DNAH8: variants seen among roughly 807,000 people sequenced by gnomAD.
DNAH8 encodes the protein axonemal beta dynein heavy chain 8.
DNAH8 carries 382 observed loss-of-function variants against 562.1 expected under a neutral mutation model. The observed-to-expected ratio is 0.68, with a 90% confidence interval of 0.63 to 0.74. The LOEUF is 0.74. Ranked by LOEUF, DNAH8 falls within the 30% of genes least tolerant of loss-of-function variation. The probability of loss-of-function intolerance (pLI) is 0.00; values close to 1 mark genes in which losing one functional copy is unlikely to be tolerated. For missense variants in DNAH8, 5,203 were observed against 5,620.4 expected, an observed-to-expected ratio of 0.93 and a Z score of 2.37; for synonymous variants, 1,881 against 1,919.4, an observed-to-expected ratio of 0.98 and a Z score of 0.52.
chr6:38,724,634 C>G (rs575038115), intron 3 of DNAH8, among the ~76,000 whole-genome samples: 2 of 152,290 alleles, frequency 1.3e-5, no homozygotes, highest in East Asian at 3.9e-4. Context: ...CCTGACACTA[C>G]TAACAGTTTT....
At chr6:38,906,199 G>A (rs928285016) in intron 62 of DNAH8, 55 bp from the exon 63 acceptor site, 32 of 1,233,870 alleles carry the variant, frequency 2.6e-5, no homozygotes, top group East Asian at 7.5e-5. Context: ...GAGCCACCGC[G>A]CCCAGCCGAC....
intron 87 of DNAH8, among the ~76,000 whole-genome samples, chr6:38,985,695 A>G (rs1434000315): frequency 6.6e-6 from 1 of 152,218 alleles, no homozygotes; most frequent in Non-Finnish European, 1.5e-5. Context: ...ACAAATGGAC[A>G]TGTACAAAAA....
At chr6:38,727,944 G>A (rs773761057) in intron 3 of DNAH8, among the ~76,000 whole-genome samples, 3 of 152,082 alleles carry the variant, frequency 2.0e-5, no homozygotes, top group South Asian at 4.1e-4. Flanking sequence ...TGTGCTGTGC[G>A]TGTGTGTTTT....
chr6:38,734,613 A>G lies in DNAH8; in HGVS notation c.750A>G (p.Lys250=), dbSNP rs752855155. The change falls in exon 5 of 93, where the codon AAA becomes AAG. Residue 250 remains lysine, a synonymous_variant. Transcript: ENST00000327475. Reference sequence around the variant, plus strand: ...GTAATGATGTTGCTATAAATGTTAAAACTATTCAAGAGGTATGTTTAAAAA... The same window carrying G: ...GTAATGATGTTGCTATAAATGTTAAGACTATTCAAGAGGTATGTTTAAAAA... ...RCRNDVAINV[K]TIQEEALFTV... is the part of the protein sequence containing the mutation. The G allele has an allele frequency of 5.0e-6, 8 of 1,612,284 alleles. No individual in the cohort carries two copies. Among genetic ancestry groups the G allele is most frequent in the Non-Finnish European group, 6.8e-6 (8 of 1,179,766 alleles).
chr6:38,945,428 A>C (rs1761325880), intron 79 of DNAH8, 39 bp from the exon 80 acceptor site: 1 of 1,607,152 alleles, frequency 6.2e-7, no homozygotes, highest in African/African-American at 1.3e-5. Flanking sequence ...AGTGAAGTAC[A>C]GGCTTACCCA....
At chr6:38,728,046 G>A (rs968005711) in intron 3 of DNAH8, among the ~76,000 whole-genome samples, 1 of 152,048 alleles carries the variant, frequency 6.6e-6, no homozygotes, top group Non-Finnish European at 1.5e-5. Context: ...GCTCACTGCA[G>A]CCTCAACCTC....
chr6:38,801,905 C>T (rs2127673665), intron 21 of DNAH8, among the ~76,000 whole-genome samples: 1 of 152,154 alleles, frequency 6.6e-6, no homozygotes, highest in South Asian at 2.1e-4. Flanking sequence ...TTGGGATCCT[C>T]TGCAGTTGTG....
At chr6:38,846,708 A>G (rs1476833400) in intron 36 of DNAH8, among the ~76,000 whole-genome samples, 1 of 152,130 alleles carries the variant, frequency 6.6e-6, no homozygotes, top group Non-Finnish European at 1.5e-5. Flanking sequence ...CTGCTGCCCT[A>G]TGGTTCATTG....
chr6:38,766,155 G>A (rs930268427), intron 11 of DNAH8, among the ~76,000 whole-genome samples: 3 of 151,960 alleles, frequency 2.0e-5, no homozygotes, highest in African/African-American at 7.3e-5. Context: ...GTGTGTGTGT[G>A]TTTGTGTATG....
intron 21 of DNAH8, among the ~76,000 whole-genome samples, chr6:38,800,078 T>G (rs568729471): frequency 3.8e-4 from 58 of 152,294 alleles, no homozygotes; most frequent in African/African-American, 1.2e-3. Context: ...AAAACTTCAT[T>G]TCTTTTTATT....
Position 38,790,301 on chromosome 6 carries a change from T to C in DNAH8, c.2677T>C (p.Leu893=), listed in dbSNP as rs1583012634. Residue 893 remains leucine, a synonymous_variant, in exon 20 of 93, where the codon TTG becomes CTG. Coordinates refer to ENST00000327475, the MANE Select transcript of DNAH8 (RefSeq NM_001206927.2). ...TTACCGTTTCTAGGTGGAATCTGTG[T>C]TGAGGCAAGGACTCACAGTGTTAAC... The part of the protein sequence containing the change: ...TPKMKKVESV[L]RQGLTVLTWS... 3 of 1,603,470 alleles carry C rather than the reference T, an allele frequency of 1.9e-6. No homozygotes were observed. The highest frequency in any genetic ancestry group is 2.6e-6 in the Non-Finnish European group (3 of 1,172,882).
rs576243565 is a variant in DNAH8, at chr6:38,938,932, A to T, written c.11951A>T (p.Lys3984Met). The T allele has an allele frequency of 4.2e-5, 68 of 1,614,008 alleles. 1 individual carries two copies. The South Asian group carries it at 6.1e-4, about 15-fold the overall frequency. Residue 3984 changes from lysine to methionine, a missense_variant, in exon 79 of 93, where the codon AAG becomes ATG. Transcript: ENST00000327475. ...CTGTTTGTACTCCTCATGACCTTAA[A>T]GATTGACCTTCAGAGAGGGACAGTT... ...KFLFVLLMTL[K>M]IDLQRGTVKH...
rs1034170896 is a variant in DNAH8, at chr6:38,978,100, G to A, written c.12834+3571G>A. Among the ~76,000 whole-genome samples the A allele has an allele frequency of 2.2e-4, 34 of 152,176 alleles. 1 individual carries two copies. Among genetic ancestry groups the A allele is most frequent in the Admixed American group, 1.7e-3 (26 of 15,280 alleles). On this transcript the variant is annotated intron_variant, in intron 85 of 92. Transcript: ENST00000327475. Reference sequence around the variant, plus strand: ...CCTTGGTTTGTCCACATTGAACTGCGTATTTCTTTATGACTTTTCAAACAG... The same window carrying A: ...CCTTGGTTTGTCCACATTGAACTGCATATTTCTTTATGACTTTTCAAACAG...
chr6:38,961,308 A>G (rs1762590110), intron 82 of DNAH8, among the ~76,000 whole-genome samples: 2 of 152,026 alleles, frequency 1.3e-5, no homozygotes, highest in African/African-American at 4.8e-5. Context: ...AATGCTCTGA[A>G]CACAGGGAAA....
chr6:38,806,913 T>G (rs1038634313), intron 23 of DNAH8, among the ~76,000 whole-genome samples: 1 of 152,206 alleles, frequency 6.6e-6, no homozygotes, highest in African/African-American at 2.4e-5. Context: ...CATGCCTTAT[T>G]ACTCTCTCTT....
chr6:38,830,244 A>AT (rs534673396), intron 30 of DNAH8, among the ~76,000 whole-genome samples: 3 of 151,622 alleles, frequency 2.0e-5, no homozygotes, highest in East Asian at 3.9e-4. Flanking sequence ...CTGATTTGAG[A>AT]TTTTTTTTCT....
intron 30 of DNAH8, among the ~76,000 whole-genome samples, chr6:38,831,494 T>C (rs1773835165): frequency 6.6e-6 from 1 of 151,470 alleles, no homozygotes; most frequent in African/African-American, 2.4e-5. Flanking sequence ...ATCTCTTTAA[T>C]GGTTAGTGTT....
At chr6:38,989,670 G>A (rs1341171773) in intron 87 of DNAH8, among the ~76,000 whole-genome samples, 1 of 152,150 alleles carries the variant, frequency 6.6e-6, no homozygotes, top group Non-Finnish European at 1.5e-5. Flanking sequence ...GTGTGTGGGA[G>A]TATGGCCTCA....
At chr6:38,737,699 C>A in intron 6 of DNAH8, 110 bp from the exon 7 acceptor site, 1 of 414,646 alleles carries the variant, frequency 2.4e-6, no homozygotes, top group Non-Finnish European at 3.6e-6. Flanking sequence ...ACTTTTAACA[C>A]ATTGACATTA....
Sources: allele counts gnomAD v4.1 joint callset (sites outside exome capture counted in the v4.1 genomes callset), GRCh38; gene constraint gnomAD v4.1.1; transcripts MANE v1.5; gene names NCBI Gene and HGNC (gene_info 2026-07-23, HGNC 2026-07-21).